The following GPHN variants were observed in gnomAD, a reference collection of about 807,000 sequenced individuals.
GPHN encodes the protein gephyrin.
In GPHN, 17 loss-of-function variants were observed where a neutral mutation model predicts 95.5. The ratio of observed to expected loss-of-function variants is 0.18; its 90% CI spans 0.12 to 0.27. The LOEUF is 0.27. Among genes scored for constraint, GPHN ranks in the 10% least tolerant of loss-of-function variants. GPHN has a pLI of 1.00. For synonymous variants in GPHN, 320 were observed against 322.5 expected, an observed-to-expected ratio of 0.99 and a Z score of 0.08; for missense variants, 660 against 978.1, an observed-to-expected ratio of 0.67 and a Z score of 4.34.
chr14:67,593,735 A>G, the GPHN span: 4 of 1,573,548 alleles, frequency 2.5e-6, no homozygotes, highest in Non-Finnish European at 3.5e-6. Context: ...TACCTTTTAA[A>G]TACTTACCAT....
chr14:66,625,756 A>G (rs1386701831), intron 1 of GPHN, among the ~76,000 whole-genome samples: 1 of 152,090 alleles, frequency 6.6e-6, no homozygotes, highest in Non-Finnish European at 1.5e-5. Context: ...TTATTCCCAA[A>G]TCCTTTTTGT....
At chr14:67,646,181 A>G in the GPHN span, among the ~76,000 whole-genome samples, 1 of 152,140 alleles carries the variant, frequency 6.6e-6, no homozygotes. Context: ...TTAGGCACAG[A>G]CTAGAATCTG....
chr14:67,521,741 G>C, the GPHN span, among the ~76,000 whole-genome samples: 1 of 152,322 alleles, frequency 6.6e-6, no homozygotes, highest in East Asian at 1.9e-4. Context: ...AAGAAGAGCA[G>C]TAAATTAAGA....
At chr14:67,316,701 TG>T in the GPHN span, 6 of 628,012 alleles carry the variant, frequency 9.6e-6, no homozygotes, top group Non-Finnish European at 1.6e-5. Context: ...ATTACTCCTG[TG>T]TTGGCAAAAG....
chr14:66,579,479 G>C, intron 1 of GPHN, among the ~76,000 whole-genome samples: 1 of 151,162 alleles, frequency 6.6e-6, no homozygotes, highest in East Asian at 1.9e-4. Flanking sequence ...TCATCTTTAA[G>C]GACACAAATA....
At chr14:67,168,653 A>G (rs2082419678) in intron 20 of GPHN, among the ~76,000 whole-genome samples, 1 of 152,204 alleles carries the variant, frequency 6.6e-6, no homozygotes, top group Non-Finnish European at 1.5e-5. Flanking sequence ...AAGATTAGTA[A>G]TGGCTTTCAG....
rs1406831232 is a variant in GPHN at position 66,508,349 on chromosome 14, G to T, written c.-179G>T. The T allele has an allele frequency of 1.5e-6, 1 of 648,656 alleles. No individual in the cohort carries two copies. Among genetic ancestry groups the T allele is most frequent in the African/African-American group, 1.8e-5 (1 of 55,208 alleles). The allele number at this position is 648,656 out of a possible 1,614,324, so 40.2% of individuals were successfully genotyped here. On this transcript the variant is annotated 5_prime_UTR_variant, in exon 1 of 23. Transcript: ENST00000478722. ...CCGCGGACCCGCGCACTCCCGGCGC[G>T]GCCTCTCCCCCACGCAGGCCACCGT...
chr14:66,623,909 A>T (rs1012662233), intron 1 of GPHN, among the ~76,000 whole-genome samples: 8 of 152,028 alleles, frequency 5.3e-5, no homozygotes, highest in Non-Finnish European at 7.4e-5. Context: ...GTAATATTTC[A>T]CCTCCTTGAG....
the GPHN span, among the ~76,000 whole-genome samples, chr14:67,680,477 T>G: frequency 6.6e-6 from 1 of 152,010 alleles, no homozygotes; most frequent in Non-Finnish European, 1.5e-5. Context: ...TTTCTGGTTG[T>G]TTTTTTTAGA....
At chr14:66,842,986 A>G (rs906997163) in intron 4 of GPHN, among the ~76,000 whole-genome samples, 1 of 152,054 alleles carries the variant, frequency 6.6e-6, no homozygotes, top group African/African-American at 2.4e-5. Flanking sequence ...AAGACACCCA[A>G]TTCAGGGGAC....
At chr14:67,439,563 T>C in the GPHN span, among the ~76,000 whole-genome samples, 4 of 139,066 alleles carry the variant, frequency 2.9e-5, no homozygotes, top group Non-Finnish European at 6.0e-5. Context: ...CTTTCTTTCT[T>C]TCTTTCTTTC....
At chr14:67,391,974 A>G in the GPHN span, among the ~76,000 whole-genome samples, 3 of 150,652 alleles carry the variant, frequency 2.0e-5, no homozygotes, top group Admixed American at 1.3e-4. Flanking sequence ...CCCAAGGAAC[A>G]GAAGGCCAGC....
chr14:67,194,349 G>A, the GPHN span, among the ~76,000 whole-genome samples: 6 of 149,998 alleles, frequency 4.0e-5, no homozygotes, highest in Non-Finnish European at 8.9e-5. Context: ...GGGTGACAGA[G>A]CAAGACCTGT....
At chr14:67,407,164 C>T in the GPHN span, among the ~76,000 whole-genome samples, 8 of 152,182 alleles carry the variant, frequency 5.3e-5, no homozygotes, top group Non-Finnish European at 7.4e-5. Context: ...CACTGTCGCC[C>T]GGGCTAGAGT....
intron 1 of GPHN, among the ~76,000 whole-genome samples, chr14:66,597,149 T>G (rs996369262): frequency 6.6e-5 from 10 of 152,112 alleles, no homozygotes; most frequent in African/African-American, 2.4e-4. Flanking sequence ...AAGTTTCCAT[T>G]TGCATGACCA....
At chr14:66,833,664 T>TA (rs11394709) in intron 4 of GPHN, among the ~76,000 whole-genome samples, 34,822 of 142,542 alleles carry the variant, frequency 0.24, 8,079 homozygotes, top group African/African-American at 0.58. Context: ...ATGCCCTGGT[T>TA]AAAAAAAAAA....
the GPHN span, chr14:67,722,353 G>T: frequency 8.2e-5 from 43 of 524,410 alleles, no homozygotes; most frequent in South Asian, 8.6e-4. Flanking sequence ...ACTTGCTTTA[G>T]TTTCCCCACA....
chr14:66,819,464 G>T (rs958092303), intron 3 of GPHN, among the ~76,000 whole-genome samples: 4 of 152,100 alleles, frequency 2.6e-5, no homozygotes, highest in Non-Finnish European at 4.4e-5. Context: ...AGATCAGACA[G>T]TTGTAGGTGT....
rs150463371 is a variant in GPHN, at chr14:67,027,804, A to G, written c.1006+4129A>G. Among the ~76,000 whole-genome samples the G allele has an allele frequency of 1.5e-4, 23 of 152,310 alleles. No individual in the cohort carries two copies. The East Asian group carries it at 4.2e-3, about 28-fold the overall frequency. On this transcript the variant is annotated intron_variant, in intron 10 of 22. Transcript: ENST00000478722. ...GTACAGGTGATATCTTGATACATGC[A>G]TAGAATTTGTAATGATCAAGTCAGG...
Sources: allele counts gnomAD v4.1 joint callset (sites outside exome capture counted in the v4.1 genomes callset), GRCh38; gene constraint gnomAD v4.1.1; transcripts MANE v1.5; gene names NCBI Gene and HGNC (gene_info 2026-07-23, HGNC 2026-07-21).